IGFL2: variants seen among roughly 807,000 people sequenced by gnomAD.
IGFL2 encodes the protein IGF like family member 2.
Under a neutral mutation model 13.9 loss-of-function variants are expected in IGFL2, and 7 were observed. The observed-to-expected ratio is 0.51, with a 90% CI of 0.29 to 0.95. The LOEUF (loss-of-function observed/expected upper bound fraction) is 0.95, where lower values mean the gene tolerates loss of function less well. Ranked by LOEUF, IGFL2 falls within the 40% of genes least tolerant of loss-of-function variation. The pLI is 0.08. For synonymous variants in IGFL2, 55 were observed against 55.8 expected (o/e 0.99, Z 0.07); for missense variants, 138 against 147.8 (o/e 0.93, Z 0.34).
At chr19:46,097,505 A>G in the IGFL2 span, among the ~76,000 whole-genome samples, 207 of 151,814 alleles carry the variant, frequency 1.4e-3, 2 homozygotes, top group East Asian at 0.026. Flanking sequence ...TTGTGTCTCT[A>G]TCTCCTTCAG....
At chr19:46,111,991 T>C in the IGFL2 span, 1 of 152,212 alleles carries the variant, frequency 6.6e-6, no homozygotes, top group Admixed American at 6.5e-5. Flanking sequence ...CATGGAACTT[T>C]TCCTGTTGCA....
the IGFL2 span, among the ~76,000 whole-genome samples, chr19:46,094,226 G>C: frequency 6.6e-6 from 1 of 151,964 alleles, no homozygotes; most frequent in Non-Finnish European, 1.5e-5. Flanking sequence ...TTGGTGAATG[G>C]AAGAACATAT....
chr19:46,088,353 A>G, the IGFL2 span, among the ~76,000 whole-genome samples: 1 of 152,162 alleles, frequency 6.6e-6, no homozygotes, highest in African/African-American at 2.4e-5. Flanking sequence ...ATTTAAGATA[A>G]GGGCTTTTTT....
chr19:46,190,043 G>A, the IGFL2 span: 1 of 152,090 alleles, frequency 6.6e-6, no homozygotes, highest in African/African-American at 2.4e-5. Flanking sequence ...GGACCCCAAA[G>A]CCCAGAACCC....
At chr19:46,163,899 T>C (rs1286416708), downstream of IGFL2, 1 of 152,282 alleles carries the variant, frequency 6.6e-6, no homozygotes, top group Non-Finnish European at 1.5e-5. Context: ...ACAGCAAAAA[T>C]AGCAGCAGTC....
At chr19:46,145,596 A>ATGTGTG (rs1287833769), upstream of IGFL2, among the ~76,000 whole-genome samples, 7 of 58,528 alleles carry the variant, frequency 1.2e-4, no homozygotes, top group African/African-American at 4.3e-4. Context: ...ACACACTCAT[A>ATGTGTG]TATATGTGTG....
chr19:46,111,948 T>C, the IGFL2 span: 2 of 152,224 alleles, frequency 1.3e-5, no homozygotes, highest in African/African-American at 4.8e-5. Context: ...AAGATTACAT[T>C]ATGATGAAAT....
At chr19:46,139,632 T>C (rs1340994496), upstream of IGFL2, among the ~76,000 whole-genome samples, 3 of 152,012 alleles carry the variant, frequency 2.0e-5, no homozygotes, top group Non-Finnish European at 1.5e-5. Context: ...ATAATAATTA[T>C]GAATCTGAAT....
chr19:46,130,145 G>T, the IGFL2 span, among the ~76,000 whole-genome samples: 1 of 151,840 alleles, frequency 6.6e-6, no homozygotes, highest in Non-Finnish European at 1.5e-5. Flanking sequence ...TATCTTTGTT[G>T]GTTTAAAGTC....
the IGFL2 span, among the ~76,000 whole-genome samples, chr19:46,179,011 A>G: frequency 6.6e-6 from 1 of 152,156 alleles, no homozygotes; most frequent in African/African-American, 2.4e-5. Flanking sequence ...GAGCAGAGAG[A>G]AGAGGCAGAG....
At chr19:46,156,955 T>C (rs561655014) in intron 1 of IGFL2, among the ~76,000 whole-genome samples, 8 of 152,260 alleles carry the variant, frequency 5.3e-5, no homozygotes, top group South Asian at 2.1e-4. Context: ...ACAGGAGATA[T>C]AGGTTTTGCA....
At chr19:46,201,348 G>T in the IGFL2 span, among the ~76,000 whole-genome samples, 2 of 152,258 alleles carry the variant, frequency 1.3e-5, no homozygotes, top group African/African-American at 4.8e-5. Flanking sequence ...CAGCCTTGCT[G>T]CCCACTCCAG....
At chr19:46,121,014 T>C in the IGFL2 span, among the ~76,000 whole-genome samples, 1 of 150,586 alleles carries the variant, frequency 6.6e-6, no homozygotes, top group African/African-American at 2.5e-5. Flanking sequence ...CTTGTAGCCC[T>C]TTTTAAAATA....
At chr19:46,120,450 TAACA>T in the IGFL2 span, 3 of 1,562,938 alleles carry the variant, frequency 1.9e-6, no homozygotes, top group Non-Finnish European at 1.7e-6. Flanking sequence ...AACTTGACTT[TAACA>T]GACTTGACTG....
chr19:46,160,503 G>A (rs755456499), intron 2 of IGFL2, 35 bp downstream of exon 2: 1 of 1,613,382 alleles, frequency 6.2e-7, no homozygotes, highest in Non-Finnish European at 8.5e-7. Flanking sequence ...GAAGAGGAAG[G>A]AGGCTGACTT....
the IGFL2 span, among the ~76,000 whole-genome samples, chr19:46,092,410 C>T: frequency 1.3e-5 from 2 of 151,816 alleles, no homozygotes; most frequent in Non-Finnish European, 2.9e-5. Context: ...ACAGGTGGAT[C>T]ACTTGAGGTT....
At chr19:46,162,391 A>C (rs1390939984), downstream of IGFL2, among the ~76,000 whole-genome samples, 1 of 152,208 alleles carries the variant, frequency 6.6e-6, no homozygotes, top group Non-Finnish European at 1.5e-5. Flanking sequence ...ATGTTTTCCA[A>C]GTTGTTTGCT....
the IGFL2 span, among the ~76,000 whole-genome samples, chr19:46,167,392 C>T: frequency 3.9e-5 from 6 of 152,276 alleles, no homozygotes; most frequent in South Asian, 2.1e-4. Context: ...AGCCTGGCTC[C>T]GTGGTGGCAG....
chr19:46,155,163 A>T (rs957569544), intron 1 of IGFL2, among the ~76,000 whole-genome samples: 2 of 152,204 alleles, frequency 1.3e-5, no homozygotes, highest in African/African-American at 2.4e-5. Context: ...CTTCCATGCT[A>T]GGAGGAGGGG....
Sources: allele counts gnomAD v4.1 joint callset (sites outside exome capture counted in the v4.1 genomes callset), GRCh38; gene constraint gnomAD v4.1.1; transcripts MANE v1.5; gene names NCBI Gene and HGNC (gene_info 2026-07-23, HGNC 2026-07-21).